The following ITPR3 variants were observed in gnomAD, a reference collection of about 807,000 sequenced individuals.
The protein encoded by ITPR3 is inositol 1,4,5-trisphosphate-gated calcium channel ITPR3.
A neutral mutation model predicts 293.2 loss-of-function variants in ITPR3; 173 were observed. The ratio of observed to expected loss-of-function variants is 0.59; its 90% CI spans 0.52 to 0.67. ITPR3 has a LOEUF of 0.67. Among genes scored for constraint, ITPR3 ranks in the 30% least tolerant of loss-of-function variants. The pLI, the probability that ITPR3 is intolerant of heterozygous loss-of-function variation, is 0.00. For synonymous variants in ITPR3, 1,295 were observed against 1,444.4 expected, an observed-to-expected ratio of 0.90 and a Z score of 2.35; for missense variants, 2,796 against 3,592.1, an observed-to-expected ratio of 0.78 and a Z score of 5.66.
chr6:33,675,908 G>A lies in ITPR3; in HGVS notation c.3282+52G>A, dbSNP rs1393620253. The A allele has an allele frequency of 4.1e-6, 6 of 1,479,836 alleles. No individual in the cohort carries two copies. In the East Asian group the frequency reaches 1.0e-4, roughly 26 times the overall value. 91.7% of individuals were successfully genotyped at this position (1,479,836 alleles called of 1,614,324 possible). On this transcript the variant is annotated intron_variant, in intron 25 of 57. Transcript: ENST00000605930. This position sits in a 1 kb window ranked among gnomAD's most constrained non-coding sequence, Gnocchi z 5.0. ...TGAGCATGAGGCCTGCACCAGGCAC[G>A]GGGGGACAGTAAACGATGATTGAGG...
Position 33,664,733 on chromosome 6 carries a change from A to G in ITPR3, c.1149-137A>G. On this transcript the variant is annotated intron_variant, in intron 11 of 57. Transcript: ENST00000605930. This position sits in a 1 kb window ranked among gnomAD's most constrained non-coding sequence, Gnocchi z 4.4. ...CAGCCTCCTCATCTGGAGGGGCACC[A>G]GTGGCTCCTGTCCCACAGCTGTTGA... 5.6e-6 allele frequency: 4 copies of G among 709,616 alleles called. No homozygotes were observed. The highest frequency in any genetic ancestry group is 9.8e-6 in the Non-Finnish European group (4 of 407,696). 44.0% of individuals were successfully genotyped at this position (709,616 alleles called of 1,614,324 possible).
At position 33,685,344 on chromosome 6, in the gene ITPR3, A is replaced by T; in HGVS notation, c.5308-15A>T. The T allele has an allele frequency of 6.2e-7, 1 of 1,603,524 alleles. No homozygotes were observed. Among genetic ancestry groups the T allele is most frequent in the Non-Finnish European group, 8.5e-7 (1 of 1,171,622 alleles). On this transcript the variant is annotated splice_polypyrimidine_tract_variant and intron_variant, in intron 39 of 57. Coordinates refer to ENST00000605930, the MANE Select transcript of ITPR3 (RefSeq NM_002224.4). Reference sequence around the variant, plus strand: ...CCAGTGCTGAGGTTGTTCCCTGGCCACTGTCCACCTCCAGAAATCCTTCCA... The same window carrying T: ...CCAGTGCTGAGGTTGTTCCCTGGCCTCTGTCCACCTCCAGAAATCCTTCCA...
In ITPR3 at chr6:33,689,241, T is replaced by C; in HGVS notation, c.6698T>C (p.Val2233Ala). Residue 2233 changes from valine (V) to alanine (A), a missense_variant, in exon 50 of 58, where the codon GTG (valine) becomes GCG (alanine). This residue lies in a region of ITPR3 where 568 missense variants were observed against 796.1 expected (regional missense o/e 0.71). Coordinates refer to ENST00000605930, the MANE Select transcript of ITPR3 (RefSeq NM_002224.4). ...TCACCCTGCCCCTGGCCCCCAGGCG[T>C]GCTGGACTCCCCTCTCATCTCATTG... ...YPYMEGASTG[V>A]LDSPLISLLF... is the part of the protein sequence containing the mutation. The C allele has an allele frequency of 3.1e-6, 5 of 1,609,272 alleles. No individual in the cohort carries two copies. The highest frequency in any genetic ancestry group is 4.2e-6 in the Non-Finnish European group (5 of 1,179,956).
In ITPR3 at chr6:33,621,640, T is replaced by C; in HGVS notation, c.38T>C (p.Ile13Thr). ...EMSSFLHIGDIVSLYAEGSVN... is the reference protein window; with the variant it reads ...EMSSFLHIGDTVSLYAEGSVN... ...TCCAGCTTTCTTCACATCGGGGACA[T>C]CGTCTCCCTGTACGCCGAGGGCTCC... is the stretch of plus-strand genomic sequence containing the variant. Residue 13 changes from isoleucine (I) to threonine (T), a missense_variant, in exon 1 of 58, where the codon ATC (isoleucine) becomes ACC (threonine). Physicochemically the swap from Ile to Thr is moderately conservative, Grantham distance 89 (BLOSUM62 -1). This residue lies in a region of ITPR3 where 22 missense variants were observed against 56.5 expected (regional missense o/e 0.39). Coordinates refer to ENST00000605930, the MANE Select transcript of ITPR3 (RefSeq NM_002224.4). The surrounding 1 kb of genome is among the most constrained non-coding windows in gnomAD (Gnocchi z 7.7). The C allele has an allele frequency of 6.2e-7, 1 of 1,610,176 alleles. No homozygotes were observed. Among genetic ancestry groups the C allele is most frequent in the Non-Finnish European group, 8.5e-7 (1 of 1,178,240 alleles).
chr6:33,664,972 G>C lies in ITPR3; in HGVS notation c.1248+3G>C. On this transcript the variant is annotated splice_donor_region_variant and intron_variant, in intron 12 of 57. Transcript: ENST00000605930. The surrounding 1 kb of genome is among the most constrained non-coding windows in gnomAD (Gnocchi z 4.4). ...AGGAGCGGCCCATCCGGCTCATGGT[G>C]CGTGTCCCTGGGGTGGGGGTGGGGC... 1 of 1,613,690 alleles carries C rather than the reference G, an allele frequency of 6.2e-7. No individual in the cohort carries two copies. Among genetic ancestry groups the C allele is most frequent in the South Asian group, 1.1e-5 (1 of 91,068 alleles).
rs1765324929 is a variant in ITPR3 at position 33,689,255 on chromosome 6, C to G, written c.6712C>G (p.Leu2238Val). 1.9e-6 allele frequency: 3 copies of G among 1,610,602 alleles called. No homozygotes were observed. The African/African-American group carries it at 4.0e-5, about 21-fold the overall frequency. ...GASTGVLDSP[L>V]ISLLFWILIC... ...GCCCCCAGGCGTGCTGGACTCCCCTCTCATCTCATTGCTCTTCTGGATCCT... is the reference window on the plus strand; with the variant it reads ...GCCCCCAGGCGTGCTGGACTCCCCTGTCATCTCATTGCTCTTCTGGATCCT... The change falls in exon 50 of 58, where the codon CTC (leucine) becomes GTC (valine). Residue 2238 changes from leucine (L) to valine (V), a missense_variant. Transcript: ENST00000605930.
Position 33,689,298 on chromosome 6 carries a change from C to T in ITPR3, c.6755C>T (p.Ala2252Val), listed in dbSNP as rs756560277. The change falls in exon 50 of 58, where the codon GCG becomes GTG. Residue 2252 changes from alanine to valine, a missense_variant. Physicochemically the swap from Ala to Val is moderately conservative, Grantham distance 64. Around this residue, in one of 8 missense-constraint regions of ITPR3, gnomAD observed 568 missense variants for 796.1 expected, o/e 0.71. Transcript: ENST00000605930. The stretch of plus-strand genomic sequence containing the variant: ...TGGATCCTCATCTGCTTCTCCATCG[C>T]GGCCCTGTTCACCAAGCGCTACAGC... The part of the protein sequence containing the change: ...LFWILICFSI[A>V]ALFTKRYSIR... 1.4e-5 allele frequency: 23 copies of T among 1,612,344 alleles called. No individual in the cohort carries two copies. Among genetic ancestry groups the T allele is most frequent in the African/African-American group, 6.7e-5 (5 of 74,926 alleles).
Position 33,685,036 on chromosome 6 carries a change from G to A in ITPR3, c.5307+93G>A, listed in dbSNP as rs563250618. The A allele has an allele frequency of 1.1e-5, 16 of 1,418,926 alleles. No individual in the cohort carries two copies. In the East Asian group the frequency reaches 3.2e-4, roughly 29 times the overall value. 87.9% of individuals were successfully genotyped at this position (1,418,926 alleles called of 1,614,324 possible). Reference sequence around the variant, plus strand: ...TGAGTTGGGCACTGAAGGCCGAGGAGGGTGTGAAAGAGGAGAGGCCTGAGC... The same window carrying A: ...TGAGTTGGGCACTGAAGGCCGAGGAAGGTGTGAAAGAGGAGAGGCCTGAGC... On this transcript the variant is annotated intron_variant, in intron 39 of 57. Coordinates refer to ENST00000605930, the MANE Select transcript of ITPR3 (RefSeq NM_002224.4).
rs1252704513 is a variant in ITPR3, at chr6:33,664,828, G to A, written c.1149-42G>A. ...GCCGGCAGGCAGCATGACGTGCTCT[G>A]TGGTGCACTCCCCGAGTCCTTTCCC... On this transcript the variant is annotated intron_variant, in intron 11 of 57. Transcript: ENST00000605930. The surrounding 1 kb of genome is among the most constrained non-coding windows in gnomAD (Gnocchi z 4.4). The A allele has an allele frequency of 6.4e-7, 1 of 1,567,542 alleles. No homozygotes were observed. Among genetic ancestry groups the A allele is most frequent in the Non-Finnish European group, 8.8e-7 (1 of 1,141,322 alleles).
Position 33,664,758 on chromosome 6 carries a change from A to T in ITPR3, c.1149-112A>T. On this transcript the variant is annotated intron_variant, in intron 11 of 57. Coordinates refer to ENST00000605930, the MANE Select transcript of ITPR3 (RefSeq NM_002224.4). The surrounding 1 kb of genome is among the most constrained non-coding windows in gnomAD (Gnocchi z 4.4). ...AGTGGCTCCTGTCCCACAGCTGTTGAGGGTGTGGAGTAGGGTGGCAGCTGT... is the reference window on the plus strand; with the variant it reads ...AGTGGCTCCTGTCCCACAGCTGTTGTGGGTGTGGAGTAGGGTGGCAGCTGT... 1 of 837,968 alleles carries T rather than the reference A, an allele frequency of 1.2e-6. No individual in the cohort carries two copies. Among genetic ancestry groups the T allele is most frequent in the Non-Finnish European group, 1.9e-6 (1 of 513,498 alleles). 51.9% of individuals were successfully genotyped at this position (837,968 alleles called of 1,614,324 possible).
At chr6:33,636,889 G>A (rs1279466595) in intron 1 of ITPR3, among the ~76,000 whole-genome samples, 1 of 152,094 alleles carries the variant, frequency 6.6e-6, no homozygotes, top group African/African-American at 2.4e-5. Flanking sequence ...CTGGAGGCCG[G>A]GAGAGAAAAG....
In ITPR3 at chr6:33,675,888, A is replaced by ATGGCCCTGGCCC; in HGVS notation, c.3282+34_3282+35insGCCCTGGCCCTG. The ATGGCCCTGGCCC allele has an allele frequency of 6.5e-7, 1 of 1,536,716 alleles. No individual in the cohort carries two copies. The highest frequency in any genetic ancestry group is 8.8e-7 in the Non-Finnish European group (1 of 1,138,910). ...GGACTACCTGGCCCTGGCCCTGAGC[A>ATGGCCCTGGCCC]TGAGGCCTGCACCAGGCACGGGGGG... On this transcript the variant is annotated intron_variant, in intron 25 of 57. Transcript: ENST00000605930. This position sits in a 1 kb window ranked among gnomAD's most constrained non-coding sequence, Gnocchi z 5.0.
In ITPR3 at chr6:33,692,423, G is replaced by A. The variant is rs1765420106; in HGVS notation, c.7459-305G>A. 6.6e-6 allele frequency among the ~76,000 whole-genome samples: 1 copy of A among 151,926 alleles called. No individual in the cohort carries two copies. ...CCTCTTTCCCTCATCAATGTTAGGG[G>A]CAGAGACACACCGAGACTCGTAGCC... is the stretch of plus-strand genomic sequence containing the variant. On this transcript the variant is annotated intron_variant, in intron 54 of 57. Transcript: ENST00000605930. The surrounding 1 kb of genome is among the most constrained non-coding windows in gnomAD (Gnocchi z 4.2).
At chr6:33,671,660 G>A (rs1275749149) in intron 21 of ITPR3, among the ~76,000 whole-genome samples, 1 of 152,206 alleles carries the variant, frequency 6.6e-6, no homozygotes, top group Non-Finnish European at 1.5e-5. Context: ...GACACTCCCA[G>A]GCTGCATAAA....
chr6:33,676,817 A>G lies in ITPR3; in HGVS notation c.3332A>G (p.Lys1111Arg), dbSNP rs369763448. The change falls in exon 26 of 58, where the codon AAG (lysine) becomes AGG (arginine). Residue 1111 changes from lysine to arginine, a missense_variant. Around this residue, in one of 8 missense-constraint regions of ITPR3, gnomAD observed 955 missense variants for 1,180.8 expected, o/e 0.81. Transcript: ENST00000605930. The stretch of plus-strand genomic sequence containing the variant: ...GACGTGGAGAACTACAAGGTGATCA[A>G]GTCGGAGCTGGACCGGCTGCGGACC... ...AQDVENYKVIKSELDRLRTMV... is the reference protein window; with the variant it reads ...AQDVENYKVIRSELDRLRTMV... 1.9e-6 allele frequency: 3 copies of G among 1,614,090 alleles called. No homozygotes were observed. Among genetic ancestry groups the G allele is most frequent in the Non-Finnish European group, 2.5e-6 (3 of 1,180,030 alleles).
At position 33,624,467 on chromosome 6, in the gene ITPR3, C is replaced by G. The variant is rs1050087295; in HGVS notation, c.89+2776C>G. ...GTCAGAAATGCAGAATCTCAGACCC[C>G]GTGCCCGTCCTACTGAATGAGAATC... On this transcript the variant is annotated intron_variant, in intron 1 of 57. Transcript: ENST00000605930. The surrounding 1 kb of genome is among the most constrained non-coding windows in gnomAD (Gnocchi z 4.7). 6.6e-6 allele frequency among the ~76,000 whole-genome samples: 1 copy of G among 152,216 alleles called. No homozygotes were observed. Among genetic ancestry groups the G allele is most frequent in the African/African-American group, 2.4e-5 (1 of 41,442 alleles).
rs745712909 is a variant in ITPR3, at chr6:33,684,851, G to A, written c.5215G>A (p.Asp1739Asn). 11 of 1,614,086 alleles carry A rather than the reference G, an allele frequency of 6.8e-6. No individual in the cohort carries two copies. Among genetic ancestry groups the A allele is most frequent in the Middle Eastern group, 1.6e-4 (1 of 6,062 alleles). ...GGAGGGGGCCACCAAGTTGGTATGC[G>A]ACCTCATCACCAGCACCAAGAACGA... is the stretch of plus-strand genomic sequence containing the variant. ...DKEGATKLVC[D>N]LITSTKNEKI... The change falls in exon 39 of 58, where the codon GAC (aspartate) becomes AAC (asparagine). Residue 1739 changes from aspartate to asparagine, a missense_variant. Transcript: ENST00000605930. The surrounding 1 kb of genome is among the most constrained non-coding windows in gnomAD (Gnocchi z 4.2).
intron 56 of ITPR3, chr6:33,694,700 G>C: frequency 7.2e-6 from 4 of 553,248 alleles, no homozygotes; most frequent in South Asian, 4.6e-5. Flanking sequence ...CTGCCTAACG[G>C]AAGTCAGCCT....
At chr6:33,678,975 G>A in intron 30 of ITPR3, 136 bp downstream of exon 30, 1 of 864,976 alleles carries the variant, frequency 1.2e-6, no homozygotes, top group Non-Finnish European at 1.8e-6. Context: ...CCATGGAGGG[G>A]ACGCAGAGGG....
Sources: allele counts gnomAD v4.1 joint callset (sites outside exome capture counted in the v4.1 genomes callset), GRCh38; gene constraint gnomAD v4.1.1; regional missense constraint gnomAD v4.1.1; non-coding constraint Gnocchi (gnomAD v3.1); transcripts MANE v1.5; gene names NCBI Gene and HGNC (gene_info 2026-07-23, HGNC 2026-07-21).